DISC1: variants seen among roughly 807,000 people sequenced by gnomAD.
The protein encoded by DISC1 is DISC1 scaffold protein.
In DISC1, 57 loss-of-function variants were observed where a neutral mutation model predicts 84.5. That is an observed-to-expected ratio of 0.67 (90% CI 0.55 to 0.84). The LOEUF (loss-of-function observed/expected upper bound fraction) is 0.84, where lower values mean the gene tolerates loss of function less well. DISC1 is among the 40% of genes least tolerant of loss of function. The pLI is 0.00. For missense variants in DISC1, 1,000 were observed against 1,057.8 expected, an observed-to-expected ratio of 0.95 and a Z score of 0.76; for synonymous variants, 411 against 415.2, an observed-to-expected ratio of 0.99 and a Z score of 0.12.
intron 3 of DISC1, among the ~76,000 whole-genome samples, chr1:231,740,779 T>TTAAC (rs2073158599): frequency 6.6e-6 from 1 of 152,218 alleles, no homozygotes; most frequent in African/African-American, 2.4e-5. Context: ...TAGTCTGAAG[T>TTAAC]TAACGCTATG....
rs559985232 is a variant in DISC1 at position 231,773,531 on chromosome 1, T to C, written c.1634+2461T>C. Among the ~76,000 whole-genome samples, 5 of 152,206 alleles carry C rather than the reference T, an allele frequency of 3.3e-5. No homozygotes were observed. The South Asian group carries it at 8.3e-4, about 25-fold the overall frequency. On this transcript the variant is annotated intron_variant, in intron 6 of 12. Transcript: ENST00000439617. Reference sequence around the variant, plus strand: ...TCCTGAGTAGCTGGGACTACAGGCTTGTGCCAGCACACCCAGCTAATTTTT... The same window carrying C: ...TCCTGAGTAGCTGGGACTACAGGCTCGTGCCAGCACACCCAGCTAATTTTT...
At chr1:232,036,620 C>T (rs1011674725) in intron 12 of DISC1, 72 bp from the exon 13 acceptor site, 27 of 1,382,946 alleles carry the variant, frequency 2.0e-5, no homozygotes, top group Admixed American at 5.0e-5. Context: ...CAGGCTCACA[C>T]GCTCTTCGAT....
At chr1:231,902,996 G>T (rs537431588) in intron 9 of DISC1, among the ~76,000 whole-genome samples, 1 of 151,716 alleles carries the variant, frequency 6.6e-6, no homozygotes, top group Non-Finnish European at 1.5e-5. Context: ...CTGTGTCTTT[G>T]TATCTCTTCT....
In DISC1 at chr1:232,009,242, G is replaced by A; in HGVS notation, c.2307+193G>A. The A allele has an allele frequency of 1.4e-6, 2 of 1,380,872 alleles. No homozygotes were observed. The highest frequency in any genetic ancestry group is 9.4e-7 in the Non-Finnish European group (1 of 1,069,460). The allele number at this position is 1,380,872 out of a possible 1,614,324, so 85.5% of individuals were successfully genotyped here. A position where few individuals can be genotyped will look rare whatever the true frequency, so the allele number is the denominator to read the frequency against. On this transcript the variant is annotated intron_variant, in intron 11 of 12. Coordinates refer to ENST00000439617, the MANE Select transcript of DISC1 (RefSeq NM_018662.3). The surrounding 1 kb of genome is among the most constrained non-coding windows in gnomAD (Gnocchi z 4.6). ...TTGTAGAAGTTTGAAATATAGAAGAGCAAAAAAACCCAACTTTTGGCATAT... is the reference window on the plus strand; with the variant it reads ...TTGTAGAAGTTTGAAATATAGAAGAACAAAAAAACCCAACTTTTGGCATAT...
At chr1:231,806,345 C>G (rs1321574859) in intron 8 of DISC1, among the ~76,000 whole-genome samples, 4 of 152,186 alleles carry the variant, frequency 2.6e-5, no homozygotes, top group Non-Finnish European at 4.4e-5. Context: ...CAGCTTTGGC[C>G]TCAGTGCCTG....
chr1:231,971,255 A>G (rs1428872272), intron 10 of DISC1, among the ~76,000 whole-genome samples: 1 of 152,220 alleles, frequency 6.6e-6, no homozygotes, highest in East Asian at 1.9e-4. Flanking sequence ...CAAATTTGTC[A>G]TTAATTAAAT....
intron 9 of DISC1, among the ~76,000 whole-genome samples, chr1:231,927,389 C>A (rs1287467292): frequency 6.6e-6 from 1 of 152,226 alleles, no homozygotes; most frequent in Non-Finnish European, 1.5e-5. Flanking sequence ...TTCCCAAGAC[C>A]TCATTTCTTC....
chr1:231,829,978 T>C (rs1298990774), intron 9 of DISC1, among the ~76,000 whole-genome samples: 2 of 152,148 alleles, frequency 1.3e-5, no homozygotes, highest in Non-Finnish European at 2.9e-5. Context: ...CATTTTCACT[T>C]CTTTTGTGGT....
At chr1:231,763,844 C>G (rs1185240810) in intron 4 of DISC1, among the ~76,000 whole-genome samples, 2 of 152,204 alleles carry the variant, frequency 1.3e-5, no homozygotes, top group Non-Finnish European at 2.9e-5. Flanking sequence ...GTCCCCAGAG[C>G]CAAGCACAAT....
At chr1:231,633,315 G>A (rs1182213472) in intron 1 of DISC1, among the ~76,000 whole-genome samples, 1 of 152,134 alleles carries the variant, frequency 6.6e-6, no homozygotes, top group African/African-American at 2.4e-5. Flanking sequence ...AGGCTACCCC[G>A]AAAGGCAGAG....
At chr1:231,705,259 G>A (rs557747115) in intron 3 of DISC1, among the ~76,000 whole-genome samples, 9 of 124,652 alleles carry the variant, frequency 7.2e-5, no homozygotes, top group Middle Eastern at 5.9e-3. Flanking sequence ...TTGCACTCCA[G>A]CCCGGGCAAC....
intron 10 of DISC1, 116 bp downstream of exon 10, chr1:231,959,004 A>G (rs1270816091): frequency 2.1e-6 from 3 of 1,462,144 alleles, no homozygotes; most frequent in Admixed American, 5.9e-5. Flanking sequence ...AAATTAACAA[A>G]GAAAGACACA....
At chr1:231,901,796 A>G (rs2088201535) in intron 9 of DISC1, among the ~76,000 whole-genome samples, 1 of 152,044 alleles carries the variant, frequency 6.6e-6, no homozygotes, top group African/African-American at 2.4e-5. Context: ...TCTCCTGTTT[A>G]TTTTGTTTCT....
intron 6 of DISC1, among the ~76,000 whole-genome samples, chr1:231,790,709 G>C: frequency 6.6e-6 from 1 of 151,960 alleles, no homozygotes. Context: ...TAGTAGAGAC[G>C]GGGTTTCACC....
At chr1:231,641,592 G>A (rs1401894018) in intron 1 of DISC1, among the ~76,000 whole-genome samples, 2 of 152,210 alleles carry the variant, frequency 1.3e-5, no homozygotes, top group South Asian at 2.1e-4. Context: ...GAGGGTTGCC[G>A]CTGCTGGCGC....
chr1:231,704,988 A>G lies in DISC1; in HGVS notation c.1117+2964A>G, dbSNP rs529569617. ...AAGGAGTATGCAGTCCAGGAGGGGA[A>G]ACTGGATAATACACAGTAAGAATAA... On this transcript the variant is annotated intron_variant, in intron 3 of 12. Transcript: ENST00000439617. 1.1e-4 allele frequency among the ~76,000 whole-genome samples: 17 copies of G among 152,084 alleles called. 1 individual carries two copies. Among genetic ancestry groups the G allele is most frequent in the African/African-American group, 4.1e-4 (17 of 41,502 alleles).
intron 9 of DISC1, among the ~76,000 whole-genome samples, chr1:231,861,658 A>T (rs1393723433): frequency 6.6e-6 from 1 of 152,102 alleles, no homozygotes; most frequent in East Asian, 1.9e-4. Context: ...CTTAGTGATT[A>T]TGCAATTTGA....
chr1:231,971,086 GT>G (rs1661890648), intron 10 of DISC1, among the ~76,000 whole-genome samples: 1 of 152,172 alleles, frequency 6.6e-6, no homozygotes, highest in South Asian at 2.1e-4. Context: ...TAAAAAGACA[GT>G]TTAATTAATT....
intron 10 of DISC1, among the ~76,000 whole-genome samples, chr1:231,978,407 A>G (rs1663117645): frequency 6.6e-6 from 1 of 152,194 alleles, no homozygotes; most frequent in African/African-American, 2.4e-5. Context: ...ATTTTTAGCC[A>G]GAATTCTTAT....
Sources: gnomAD v4.1 joint callset for allele counts (sites outside exome capture counted in the v4.1 genomes callset) on GRCh38, gnomAD v4.1.1 for gene constraint, Gnocchi (gnomAD v3.1) non-coding constraint, MANE v1.5 for transcripts, NCBI Gene and HGNC (gene_info 2026-07-23, HGNC 2026-07-21) for gene names.